The following ELF1 variants were observed in gnomAD, a reference collection of about 807,000 sequenced individuals.
ELF1 encodes the protein E74 like ETS transcription factor 1.
ELF1 carries 24 observed loss-of-function variants against 59.9 expected under a neutral mutation model. The observed-to-expected ratio is 0.40, with a 90% CI of 0.29 to 0.56. The LOEUF is 0.56. Among genes scored for constraint, ELF1 ranks in the 20% least tolerant of loss-of-function variants. The pLI, the probability that ELF1 is intolerant of heterozygous loss-of-function variation, is 0.44. For missense variants in ELF1, 627 were observed against 742.2 expected, an observed-to-expected ratio of 0.84 and a Z score of 1.80; for synonymous variants, 248 against 266.2, an observed-to-expected ratio of 0.93 and a Z score of 0.67.
intron 1 of ELF1, among the ~76,000 whole-genome samples, chr13:41,036,834 C>G (rs1876400959): frequency 1.3e-5 from 2 of 152,078 alleles, no homozygotes; most frequent in African/African-American, 4.8e-5. Flanking sequence ...AACCATCATT[C>G]TCAGCAAACT....
Position 41,046,382 on chromosome 13 carries a change from A to G in ELF1, c.-229+14456T>C, listed in dbSNP as rs144956281. Among the ~76,000 whole-genome samples, 582 of 152,320 alleles carry G rather than the reference A, an allele frequency of 3.8e-3. 3 individuals are homozygous for G. Among genetic ancestry groups the G allele is most frequent in the African/African-American group, 0.013 (559 of 41,570 alleles). ...TTGATGCAGTTTCTTCCTAGCATCA[A>G]TGGTCTCTACAATTTGGCATGTTTT... On this transcript the variant is annotated intron_variant, in intron 1 of 1. Transcript: ENST00000405737.
chr13:40,979,026 A>G (rs759985579), intron 2 of ELF1, among the ~76,000 whole-genome samples: 1 of 150,678 alleles, frequency 6.6e-6, no homozygotes, highest in Non-Finnish European at 1.5e-5. Flanking sequence ...TAGTTTTTCA[A>G]CCCTTGCCTG....
chr13:40,985,749 GA>G (rs1372810608), intron 1 of ELF1, among the ~76,000 whole-genome samples: 1 of 152,136 alleles, frequency 6.6e-6, no homozygotes, highest in South Asian at 2.1e-4. Context: ...ACTCGGATTA[GA>G]AAAAAGGCTT....
chr13:40,982,788 G>T (rs1486635022), intron 1 of ELF1: 4 of 729,862 alleles, frequency 5.5e-6, no homozygotes, highest in African/African-American at 1.9e-5. Flanking sequence ...TTAAAAATAA[G>T]CAGAAATTAA....
Position 40,966,642 on chromosome 13 carries a change from C to T in ELF1, c.73-7626G>A, listed in dbSNP as rs533063137. Among the ~76,000 whole-genome samples, 4 of 152,226 alleles carry T rather than the reference C, an allele frequency of 2.6e-5. No individual in the cohort carries two copies. In the East Asian group the frequency reaches 7.7e-4, roughly 29 times the overall value. ...TTTCAGAAACCATGAATCATTATTCCAACTTCATTAATAATTTTGTTCATC... is the reference window on the plus strand; with the variant it reads ...TTTCAGAAACCATGAATCATTATTCTAACTTCATTAATAATTTTGTTCATC... On this transcript the variant is annotated intron_variant, in intron 2 of 8. Transcript: ENST00000239882.
intron 2 of ELF1, among the ~76,000 whole-genome samples, chr13:40,961,831 A>G (rs1339498881): frequency 6.6e-6 from 1 of 152,228 alleles, no homozygotes; most frequent in Non-Finnish European, 1.5e-5. Context: ...AGGTAGGAAC[A>G]GAGCTCATCA....
At chr13:41,036,011 T>C (rs891991365) in intron 1 of ELF1, among the ~76,000 whole-genome samples, 1 of 151,740 alleles carries the variant, frequency 6.6e-6, no homozygotes, top group Non-Finnish European at 1.5e-5. Flanking sequence ...TTCACGCCAT[T>C]CTCCTGCCTC....
At chr13:40,941,487 G>A in intron 7 of ELF1, 117 bp from the exon 8 acceptor site, 1 of 951,416 alleles carries the variant, frequency 1.1e-6, no homozygotes, top group Non-Finnish European at 1.6e-6. Context: ...AATGAGAAAA[G>A]AATTTCTAAA....
At chr13:41,043,061 T>G (rs1382213137) in intron 1 of ELF1, among the ~76,000 whole-genome samples, 1 of 152,244 alleles carries the variant, frequency 6.6e-6, no homozygotes, top group Non-Finnish European at 1.5e-5. Context: ...CCAGTGATGA[T>G]GAGCATTTTT....
Position 40,938,464 on chromosome 13 carries a change from T to C in ELF1, c.1256+2457A>G, listed in dbSNP as rs143924913. Among the ~76,000 whole-genome samples, 777 of 152,354 alleles carry C rather than the reference T, an allele frequency of 5.1e-3. 9 individuals are homozygous for C. The highest frequency in any genetic ancestry group is 0.018 in the African/African-American group (749 of 41,586). ...AATAACTGACAATTCCTGTGATTTATGTAAATCGGTAGGCAGTGTAGCAAG... is the reference window on the plus strand; with the variant it reads ...AATAACTGACAATTCCTGTGATTTACGTAAATCGGTAGGCAGTGTAGCAAG... On this transcript the variant is annotated intron_variant, in intron 8 of 8. Coordinates refer to ENST00000239882, the MANE Select transcript of ELF1 (RefSeq NM_172373.4).
intron 3 of ELF1, among the ~76,000 whole-genome samples, chr13:40,954,978 GC>G (rs1871140485): frequency 6.8e-6 from 1 of 146,630 alleles, no homozygotes; most frequent in African/African-American, 2.5e-5. Flanking sequence ...TCTCTGCCCG[GC>G]CGCCATCCCA....
intron 2 of ELF1, among the ~76,000 whole-genome samples, chr13:40,975,887 T>C (rs1593373713): frequency 6.6e-6 from 1 of 152,314 alleles, no homozygotes; most frequent in African/African-American, 2.4e-5. Context: ...GACTCAGTGA[T>C]ATTAAAGGCT....
rs35355577 is a variant in ELF1, at chr13:40,999,709, C to T, written c.-228-17427G>A. On this transcript the variant is annotated intron_variant, in intron 1 of 8. Transcript: ENST00000239882. Reference sequence around the variant, plus strand: ...AGCTTGACTGCTACATTGAAAACTTCGCATCACCAATGTGTATACTGCCCT... The same window carrying T: ...AGCTTGACTGCTACATTGAAAACTTTGCATCACCAATGTGTATACTGCCCT... Among the ~76,000 whole-genome samples, 788 of 152,262 alleles carry T rather than the reference C, an allele frequency of 5.2e-3. 7 individuals carry two copies. Among genetic ancestry groups the T allele is most frequent in the Non-Finnish European group, 8.3e-3 (565 of 68,006 alleles).
At chr13:41,018,789 A>G (rs1458193249) in intron 1 of ELF1, among the ~76,000 whole-genome samples, 5 of 152,156 alleles carry the variant, frequency 3.3e-5, no homozygotes, top group African/African-American at 1.2e-4. Context: ...ACCCTTAGCT[A>G]AAATGCCAAA....
chr13:40,954,524 T>C (rs933508645), intron 3 of ELF1, among the ~76,000 whole-genome samples: 3 of 151,606 alleles, frequency 2.0e-5, no homozygotes, highest in African/African-American at 7.3e-5. Context: ...ACTGCTGCCA[T>C]CTCGGCTCAC....
rs1870281911 is a variant in ELF1 at position 40,943,005 on chromosome 13, C to T, written c.753G>A (p.Gly251=). Residue 251 remains glycine, a synonymous_variant, in exon 7 of 9, where the codon GGG becomes GGA. Transcript: ENST00000239882. ...VDSKAVSRLW[G]KHKNKPDMNY... ...TCATATCAGGTTTGTTTTTGTGCTT[C>T]CCCCACAACCTGGACACTGCTTTAG... 8 of 1,609,536 alleles carry T rather than the reference C, an allele frequency of 5.0e-6. No individual in the cohort carries two copies. Among genetic ancestry groups the T allele is most frequent in the Non-Finnish European group, 6.8e-6 (8 of 1,177,520 alleles).
intron 3 of ELF1, among the ~76,000 whole-genome samples, chr13:40,952,820 C>T (rs1870940132): frequency 6.6e-6 from 1 of 150,998 alleles, no homozygotes; most frequent in African/African-American, 2.5e-5. Flanking sequence ...TTCTTTCATC[C>T]ATACCCCACT....
intron 1 of ELF1, among the ~76,000 whole-genome samples, chr13:41,002,504 G>A (rs1427249084): frequency 6.7e-6 from 1 of 148,860 alleles, no homozygotes; most frequent in Non-Finnish European, 1.5e-5. Flanking sequence ...AGATGGGCAT[G>A]GTGGCATGAG....
At chr13:41,030,425 A>G (rs1238155935) in intron 1 of ELF1, among the ~76,000 whole-genome samples, 2 of 152,112 alleles carry the variant, frequency 1.3e-5, no homozygotes, top group Non-Finnish European at 2.9e-5. Context: ...TTAAGAGAGA[A>G]TAAGAGATGA....
Sources: gnomAD v4.1 joint callset for allele counts (sites outside exome capture counted in the v4.1 genomes callset) on GRCh38, gnomAD v4.1.1 for gene constraint, MANE v1.5 for transcripts, NCBI Gene and HGNC (gene_info 2026-07-23, HGNC 2026-07-21) for gene names.